ANKRD29: variants seen among roughly 807,000 people sequenced by gnomAD.
ANKRD29 encodes ankyrin repeat domain 29, also known as ankyrin repeat domain-containing protein 29.
Under a neutral mutation model 38.0 loss-of-function variants are expected in ANKRD29, and 32 were observed. The observed-to-expected ratio is 0.84, with a 90% CI of 0.64 to 1.13. The LOEUF (loss-of-function observed/expected upper bound fraction) is 1.13. Among genes scored for constraint, ANKRD29 ranks in the 50% most tolerant of loss-of-function variants. The pLI, the probability that ANKRD29 is intolerant of heterozygous loss-of-function variation, is 0.00. For missense variants in ANKRD29, 357 were observed against 377.9 expected, an observed-to-expected ratio of 0.94 and a Z score of 0.46; for synonymous variants, 135 against 152.4, an observed-to-expected ratio of 0.89 and a Z score of 0.84.
In ANKRD29 at chr18:23,607,113, A is replaced by G. The variant is rs539837570; in HGVS notation, c.822+4979T>C. Among the ~76,000 whole-genome samples the G allele has an allele frequency of 3.0e-4, 45 of 152,214 alleles. No individual in the cohort carries two copies. The South Asian group carries it at 9.1e-3, about 31-fold the overall frequency. ...GCTGGCTGGAACCTCACTTGTTAGGAATTGTAAGTTTGTCACAAGTGGTCT... is the reference window on the plus strand; with the variant it reads ...GCTGGCTGGAACCTCACTTGTTAGGGATTGTAAGTTTGTCACAAGTGGTCT... On this transcript the variant is annotated intron_variant, in intron 9 of 9. Coordinates refer to ENST00000592179, the MANE Select transcript of ANKRD29 (RefSeq NM_173505.4).
intron 9 of ANKRD29, among the ~76,000 whole-genome samples, chr18:23,605,664 T>C (rs1254515231): frequency 2.6e-5 from 4 of 151,958 alleles, no homozygotes; most frequent in Non-Finnish European, 4.4e-5. Context: ...GTAGCTGGGA[T>C]TACAGGCATG....
chr18:23,623,366 A>G (rs1201071041), intron 6 of ANKRD29, among the ~76,000 whole-genome samples: 4 of 152,146 alleles, frequency 2.6e-5, no homozygotes, highest in African/African-American at 9.7e-5. Flanking sequence ...ATTATTGTCA[A>G]ATCAGATTAC....
intron 8 of ANKRD29, among the ~76,000 whole-genome samples, chr18:23,616,124 G>A (rs1346677565): frequency 8.4e-5 from 8 of 95,596 alleles, no homozygotes; most frequent in Middle Eastern, 5.7e-3. Flanking sequence ...TACACATACC[G>A]TATGTATGTA....
chr18:23,629,881 G>A lies in ANKRD29; in HGVS notation c.500C>T (p.Ser167Leu), dbSNP rs761220346. ...CCTTGGCTGGTTGACTTTTGCTCCT[G>A]AAGCCAGCAGTAATCGAATAACATC... ...YLDVIRLLLA[S>L]GAKVNQPRQD... is the part of the protein sequence containing the mutation. Residue 167 changes from serine (S) to leucine (L), a missense_variant, in exon 6 of 10, where the codon TCA (serine) becomes TTA (leucine). Coordinates refer to ENST00000592179, the MANE Select transcript of ANKRD29 (RefSeq NM_173505.4). The A allele has an allele frequency of 1.3e-5, 21 of 1,614,030 alleles. No individual in the cohort carries two copies. In the South Asian group the frequency reaches 2.3e-4, roughly 18 times the overall value.
chr18:23,606,277 A>G (rs954504473), intron 9 of ANKRD29, among the ~76,000 whole-genome samples: 1 of 151,944 alleles, frequency 6.6e-6, no homozygotes, highest in African/African-American at 2.4e-5. Flanking sequence ...ATGCCCAGCT[A>G]TGTTTTTTGT....
rs143988501 is a variant in ANKRD29 at position 23,654,841 on chromosome 18, C to T, written c.22-5648G>A. ...ACAGGAAGGAAGGGGAGAGGAAACA[C>T]AGAGGAAAATTTATTTGTACAGAAC... On this transcript the variant is annotated intron_variant, in intron 1 of 9. Coordinates refer to ENST00000592179, the MANE Select transcript of ANKRD29 (RefSeq NM_173505.4). 7.2e-4 allele frequency among the ~76,000 whole-genome samples: 109 copies of T among 152,076 alleles called. 2 individuals are homozygous for T. The South Asian group carries it at 0.022, about 31-fold the overall frequency.
rs368245092 is a variant in ANKRD29 at position 23,601,263 on chromosome 18, C to T, written c.869G>A (p.Arg290His). ...AELTKNERIL[R>H]LLRSKEGPRK... ...GGGACCTTCTTTACTTCTCAGGAGA[C>T]GCAATATACGTTCATTTTTGGTTAG... is the stretch of plus-strand genomic sequence containing the variant. Residue 290 changes from arginine (R) to histidine (H), a missense_variant, in exon 10 of 10, where the codon CGT becomes CAT. Coordinates refer to ENST00000592179, the MANE Select transcript of ANKRD29 (RefSeq NM_173505.4). 5.1e-5 allele frequency: 83 copies of T among 1,613,868 alleles called. 1 individual carries two copies. The African/African-American group carries it at 5.9e-4, about 11-fold the overall frequency.
intron 5 of ANKRD29, among the ~76,000 whole-genome samples, chr18:23,631,237 C>G (rs1036786557): frequency 6.7e-6 from 1 of 148,402 alleles, no homozygotes; most frequent in Non-Finnish European, 1.5e-5. Flanking sequence ...GTCTCTCTCT[C>G]TCTTCTTTTT....
At chr18:23,617,323 TC>T (rs932374842) in intron 8 of ANKRD29, among the ~76,000 whole-genome samples, 1 of 152,172 alleles carries the variant, frequency 6.6e-6, no homozygotes, top group African/African-American at 2.4e-5. Flanking sequence ...TTCTGAGGCT[TC>T]CAGGTGTTTG....
chr18:23,641,961 T>C (rs568838142), intron 3 of ANKRD29, among the ~76,000 whole-genome samples: 16 of 152,188 alleles, frequency 1.1e-4, no homozygotes, highest in African/African-American at 3.1e-4. Flanking sequence ...ATCATCAGGA[T>C]GACTTGCCTG....
At chr18:23,635,520 C>T (rs1014522890) in intron 4 of ANKRD29, among the ~76,000 whole-genome samples, 12 of 152,084 alleles carry the variant, frequency 7.9e-5, no homozygotes, top group Non-Finnish European at 7.4e-5. Context: ...TCCCATCTAG[C>T]GTTGTTGAGT....
rs1481095460 is a variant in ANKRD29, at chr18:23,634,155, G to A, written c.331-6C>T. On this transcript the variant is annotated splice_region_variant and splice_polypyrimidine_tract_variant and intron_variant, in intron 4 of 9. Transcript: ENST00000592179. ...AACAGGGCGGTGCCCCCGTCCTATG[G>A]ACATGCAAAGTATAAACACATTAGA... 3 of 1,613,424 alleles carry A rather than the reference G, an allele frequency of 1.9e-6. No individual in the cohort carries two copies. Among genetic ancestry groups the A allele is most frequent in the Non-Finnish European group, 2.5e-6 (3 of 1,179,556 alleles).
intron 4 of ANKRD29, among the ~76,000 whole-genome samples, chr18:23,637,873 G>A (rs1236436252): frequency 1.3e-5 from 2 of 151,902 alleles, no homozygotes; most frequent in Non-Finnish European, 2.9e-5. Flanking sequence ...AAAATCTTAC[G>A]GCAGTTCAAA....
intron 6 of ANKRD29, among the ~76,000 whole-genome samples, chr18:23,627,908 T>C (rs1024860010): frequency 2.6e-5 from 4 of 152,206 alleles, no homozygotes; most frequent in African/African-American, 9.6e-5. Flanking sequence ...GAAAGTCAAC[T>C]CTAGCAGGAC....
At chr18:23,619,682 G>T in intron 6 of ANKRD29, 53 bp from the exon 7 acceptor site, 1 of 1,451,274 alleles carries the variant, frequency 6.9e-7, no homozygotes, top group South Asian at 1.3e-5. Context: ...GGCCCCACCC[G>T]CTCACAGAAC....
chr18:23,636,944 T>C (rs1402134564), intron 4 of ANKRD29, among the ~76,000 whole-genome samples: 1 of 152,324 alleles, frequency 6.6e-6, no homozygotes, highest in Non-Finnish European at 1.5e-5. Flanking sequence ...AAAGTTTTGA[T>C]GACAGAATCA....
intron 8 of ANKRD29, among the ~76,000 whole-genome samples, chr18:23,612,700 A>G (rs2059659105): frequency 6.6e-6 from 1 of 152,174 alleles, no homozygotes. Context: ...CTTAAGAGGA[A>G]GGGTATGTGG....
rs777010141 is a variant in ANKRD29 at position 23,600,214 on chromosome 18, A to T, written c.*1012T>A. 5 of 152,558 alleles carry T rather than the reference A, an allele frequency of 3.3e-5. No individual in the cohort carries two copies. Among genetic ancestry groups the T allele is most frequent in the African/African-American group, 4.8e-5 (2 of 41,468 alleles). 9.5% of individuals were successfully genotyped at this position (152,558 alleles called of 1,614,324 possible). A position where few individuals can be genotyped will look rare whatever the true frequency, so the allele number is the denominator to read the frequency against. ...TCTTGGAATCAGTCAACTCAAAAAC[A>T]TGCATAGATGAAGACTTACTAAGTG... On this transcript the variant is annotated 3_prime_UTR_variant, in exon 10 of 10. Coordinates refer to ENST00000592179, the MANE Select transcript of ANKRD29 (RefSeq NM_173505.4).
chr18:23,602,957 T>C (rs1352089752), intron 9 of ANKRD29, among the ~76,000 whole-genome samples: 1 of 152,230 alleles, frequency 6.6e-6, no homozygotes, highest in East Asian at 1.9e-4. Context: ...CATGTGTAGC[T>C]TAACAGAATA....
Sources: gnomAD v4.1 joint callset for allele counts (sites outside exome capture counted in the v4.1 genomes callset) on GRCh38, gnomAD v4.1.1 for gene constraint, MANE v1.5 for transcripts, NCBI Gene and HGNC (gene_info 2026-07-23, HGNC 2026-07-21) for gene names.